PRR5: variants seen among roughly 807,000 people sequenced by gnomAD.
PRR5 encodes the protein proline-rich protein 5.
PRR5 carries 25 observed loss-of-function variants against 30.6 expected under a neutral mutation model. The ratio of observed to expected loss-of-function variants is 0.82; its 90% CI spans 0.60 to 1.14. The LOEUF (loss-of-function observed/expected upper bound fraction) is 1.14, where lower values mean the gene tolerates loss of function less well. Among genes scored for constraint, PRR5 ranks in the 50% most tolerant of loss-of-function variants. The pLI, the probability that PRR5 is intolerant of heterozygous loss-of-function variation, is 0.00. For missense variants in PRR5, 600 were observed against 547.1 expected, an observed-to-expected ratio of 1.10 and a Z score of -0.96; for synonymous variants, 286 against 247.1, an observed-to-expected ratio of 1.16 and a Z score of -1.48.
At chr22:44,690,203 C>T (rs1251966795) in intron 1 of PRR5, among the ~76,000 whole-genome samples, 1 of 152,088 alleles carries the variant, frequency 6.6e-6, no homozygotes, top group African/African-American at 2.4e-5. Flanking sequence ...GCAGACAGAG[C>T]CCCCAGGAGA....
chr22:44,722,310 C>A (rs144481399), intron 2 of PRR5, among the ~76,000 whole-genome samples: 28 of 152,382 alleles, frequency 1.8e-4, no homozygotes, highest in Non-Finnish European at 2.8e-4. Flanking sequence ...ACTAACATCA[C>A]CTGTCAGGTG....
chr22:44,669,135 A>C (rs1023217940), intron 1 of PRR5, among the ~76,000 whole-genome samples: 6 of 112,572 alleles, frequency 5.3e-5, no homozygotes, highest in Admixed American at 2.3e-4. Context: ...CCTTCCCTCT[A>C]TCTCTGAGTT....
intron 1 of PRR5, among the ~76,000 whole-genome samples, chr22:44,696,622 G>GTA (rs1925768707): frequency 6.6e-6 from 1 of 151,968 alleles, no homozygotes; most frequent in Admixed American, 6.6e-5. Context: ...GGGCTCAGAT[G>GTA]GAGTCCTGGT....
At chr22:44,730,965 C>A in intron 4 of PRR5, 1 of 446,280 alleles carries the variant, frequency 2.2e-6, no homozygotes, top group Non-Finnish European at 4.6e-6. Context: ...GTTTGGGGCT[C>A]AGCTGGGTCC....
At chr22:44,672,450 G>A (rs971081262), upstream of PRR5, among the ~76,000 whole-genome samples, 1 of 152,144 alleles carries the variant, frequency 6.6e-6, no homozygotes, top group Admixed American at 6.5e-5. Context: ...CAGGCGTGGT[G>A]GCACACACCT....
At chr22:44,672,408 A>G (rs770083999), upstream of PRR5, among the ~76,000 whole-genome samples, 18 of 152,080 alleles carry the variant, frequency 1.2e-4, no homozygotes, top group Non-Finnish European at 2.2e-4. Context: ...AGCATGGTGA[A>G]ACCCCATCTC....
At position 44,707,528 on chromosome 22, in the gene PRR5, C is replaced by T. The variant is rs115050769; in HGVS notation, c.134+4920C>T. Among the ~76,000 whole-genome samples, 829 of 152,348 alleles carry T rather than the reference C, an allele frequency of 5.4e-3. 6 individuals carry two copies. Among genetic ancestry groups the T allele is most frequent in the African/African-American group, 0.019 (785 of 41,592 alleles). On this transcript the variant is annotated intron_variant, in intron 1 of 7. Transcript: ENST00000336985. ...CCTGGCCCCAGCCTCTGCCTCCTGG[C>T]AGGGATGCATCTTGCCATCCCCTTC... is the stretch of plus-strand genomic sequence containing the variant.
intron 1 of PRR5, among the ~76,000 whole-genome samples, chr22:44,695,553 C>T (rs889131400): frequency 3.3e-5 from 5 of 152,026 alleles, no homozygotes; most frequent in Admixed American, 6.6e-5. Context: ...CTCTTCATGG[C>T]CTTTCCTGGC....
chr22:44,673,296 T>A (rs1193065235), upstream of PRR5, among the ~76,000 whole-genome samples: 1 of 152,354 alleles, frequency 6.6e-6, no homozygotes, highest in East Asian at 1.9e-4. Flanking sequence ...AGTTTTCTAA[T>A]CTGTGAAACA....
intron 1 of PRR5, among the ~76,000 whole-genome samples, chr22:44,709,477 G>A (rs573709799): frequency 3.3e-5 from 5 of 152,178 alleles, no homozygotes; most frequent in Admixed American, 1.3e-4. Context: ...TGGAAAAGGC[G>A]GGGACAGGTA....
intron 6 of PRR5, 25 bp from the exon 7 acceptor site, chr22:44,734,995 GACCCCCT>G: frequency 6.3e-7 from 1 of 1,590,004 alleles, no homozygotes; most frequent in Non-Finnish European, 8.6e-7. Flanking sequence ...TCGGGTGCAT[GACCCCCT>G]ACCCCCTGCC....
At chr22:44,697,670 G>T (rs9614561), upstream of PRR5, among the ~76,000 whole-genome samples, 916 of 152,352 alleles carry the variant, frequency 6.0e-3, 7 homozygotes, top group Middle Eastern at 0.017. Context: ...CCACCTGAGG[G>T]CCGTGCCCCG....
chr22:44,673,456 C>T (rs1296207319), upstream of PRR5, among the ~76,000 whole-genome samples: 1 of 152,182 alleles, frequency 6.6e-6, no homozygotes, highest in Non-Finnish European at 1.5e-5. Context: ...TCTGAAGGGC[C>T]TCTGCGTTCA....
In PRR5 at chr22:44,734,582, G is replaced by T. The variant is rs116291931; in HGVS notation, c.556-445G>T. The T allele has an allele frequency of 2.6e-3, 416 of 159,242 alleles. 3 individuals are homozygous for T. Among genetic ancestry groups the T allele is most frequent in the African/African-American group, 9.6e-3 (402 of 41,836 alleles). The allele number at this position is 159,242 out of a possible 1,614,324, so 9.9% of individuals were successfully genotyped here. A position where few individuals can be genotyped will look rare whatever the true frequency, so the allele number is the denominator to read the frequency against. ...TGATGGGAAGAAGAGAGTGGGGCTTGTGAGGTGGTCCCTGATGGATGTGGA... is the reference window on the plus strand; with the variant it reads ...TGATGGGAAGAAGAGAGTGGGGCTTTTGAGGTGGTCCCTGATGGATGTGGA... On this transcript the variant is annotated intron_variant, in intron 6 of 7. Transcript: ENST00000336985.
upstream of PRR5, among the ~76,000 whole-genome samples, chr22:44,701,801 C>G (rs1218880448): frequency 6.6e-6 from 1 of 152,140 alleles, no homozygotes; most frequent in Non-Finnish European, 1.5e-5. Context: ...GGTGGGGGAG[C>G]CTGTGTTCAG....
chr22:44,708,491 A>T (rs187204093), intron 1 of PRR5, among the ~76,000 whole-genome samples: 1 of 152,218 alleles, frequency 6.6e-6, no homozygotes, highest in East Asian at 1.9e-4. Context: ...TGACCACTCC[A>T]GCCACCTGCC....
chr22:44,737,153 C>T lies in PRR5; in HGVS notation c.1073C>T (p.Ser358Leu), dbSNP rs551482108. 1.6e-5 allele frequency: 26 copies of T among 1,612,598 alleles called. No individual in the cohort carries two copies. Among genetic ancestry groups the T allele is most frequent in the Middle Eastern group, 3.3e-4 (2 of 6,084 alleles). Residue 358 changes from serine (S) to leucine (L), a missense_variant, in exon 8 of 8, where the codon TCG becomes TTG. Physicochemically the swap from Ser to Leu is moderately radical, Grantham distance 145 (BLOSUM62 -2). Coordinates refer to ENST00000336985, the MANE Select transcript of PRR5 (RefSeq NM_181333.4). ...GACCAGATCCTGGAGTCCGTGGACTCGGATTCTGAAGGGATTTTCATTGAC... is the reference window on the plus strand; with the variant it reads ...GACCAGATCCTGGAGTCCGTGGACTTGGATTCTGAAGGGATTTTCATTGAC... ...LVDQILESVD[S>L]DSEGIFIDFG...
upstream of PRR5, chr22:44,676,991 C>T (rs944733235): frequency 6.6e-6 from 1 of 152,288 alleles, no homozygotes; most frequent in African/African-American, 2.4e-5. Context: ...CAGTGAGCCG[C>T]CTGCCCTCAA....
intron 1 of PRR5, among the ~76,000 whole-genome samples, chr22:44,669,820 T>C (rs1923318825): frequency 6.6e-6 from 1 of 151,996 alleles, no homozygotes; most frequent in Non-Finnish European, 1.5e-5. Flanking sequence ...AGTGATGCTC[T>C]TGGTGGGAGA....
Sources: gnomAD v4.1 joint callset for allele counts (sites outside exome capture counted in the v4.1 genomes callset) on GRCh38, gnomAD v4.1.1 for gene constraint, MANE v1.5 for transcripts, NCBI Gene and HGNC (gene_info 2026-07-23, HGNC 2026-07-21) for gene names.